Variants in SLC2A9 observed in about 807,000 individuals in gnomAD.
SLC2A9 encodes solute carrier family 2, facilitated glucose transporter member 9.
In SLC2A9, 39 loss-of-function variants were observed where a neutral mutation model predicts 50.6. The ratio of observed to expected loss-of-function variants is 0.77; its 90% CI spans 0.60 to 1.01. The LOEUF is 1.01. SLC2A9 is among the 50% of genes least tolerant of loss of function. The pLI is 0.00. For synonymous variants in SLC2A9, 324 were observed against 276.9 expected, an observed-to-expected ratio of 1.17 and a Z score of -1.69; for missense variants, 686 against 677.6, an observed-to-expected ratio of 1.01 and a Z score of -0.14.
intron 3 of SLC2A9, among the ~76,000 whole-genome samples, chr4:9,818,597 G>C (rs182278983): frequency 6.6e-6 from 1 of 152,198 alleles, no homozygotes; most frequent in Non-Finnish European, 1.5e-5. Flanking sequence ...CACTAAACTG[G>C]CTTAGCAGAA....
At chr4:9,803,398 T>A (rs2042704937) in intron 3 of SLC2A9, among the ~76,000 whole-genome samples, 1 of 152,218 alleles carries the variant, frequency 6.6e-6, no homozygotes, top group Admixed American at 6.5e-5. Flanking sequence ...CTAAATGAAT[T>A]ATTTATTTAA....
chr4:9,792,052 G>C (rs1719986507), intron 3 of SLC2A9, among the ~76,000 whole-genome samples: 1 of 152,048 alleles, frequency 6.6e-6, no homozygotes, highest in African/African-American at 2.4e-5. Context: ...GTTCAGAGAT[G>C]CTGGGTGAGT....
chr4:10,015,128 AG>A (rs1252225884), intron 2 of SLC2A9, among the ~76,000 whole-genome samples: 1 of 152,116 alleles, frequency 6.6e-6, no homozygotes, highest in Non-Finnish European at 1.5e-5. Flanking sequence ...CTTATGCTTG[AG>A]CCCCTAGGGT....
intron 10 of SLC2A9, among the ~76,000 whole-genome samples, chr4:9,885,386 C>A (rs1181038983): frequency 6.6e-6 from 1 of 152,162 alleles, no homozygotes; most frequent in Non-Finnish European, 1.5e-5. Flanking sequence ...TTGCTCCATG[C>A]AATTGGCTAG....
intron 10 of SLC2A9, among the ~76,000 whole-genome samples, chr4:9,835,824 C>T (rs1312061104): frequency 6.6e-6 from 1 of 152,080 alleles, no homozygotes; most frequent in Non-Finnish European, 1.5e-5. Context: ...CGGTGGCTCA[C>T]ACCTGTAATC....
At chr4:9,824,808 C>T (rs1724887872), downstream of SLC2A9, among the ~76,000 whole-genome samples, 1 of 152,174 alleles carries the variant, frequency 6.6e-6, no homozygotes, top group Non-Finnish European at 1.5e-5. Flanking sequence ...TTTTATTTTA[C>T]ACTGTCTTTG....
chr4:9,883,476 A>G (rs1223577384), intron 10 of SLC2A9, among the ~76,000 whole-genome samples: 3 of 152,178 alleles, frequency 2.0e-5, no homozygotes, highest in African/African-American at 7.2e-5. Flanking sequence ...TCATTTGTAG[A>G]TGAGAGTGGT....
downstream of SLC2A9, among the ~76,000 whole-genome samples, chr4:9,798,317 C>A (rs2108912052): frequency 6.6e-6 from 1 of 152,350 alleles, no homozygotes; most frequent in East Asian, 1.9e-4. Flanking sequence ...ATGCAATGCA[C>A]TTGCCCAGCT....
At chr4:9,995,771 C>G (rs938140541) in intron 3 of SLC2A9, 24 of 152,216 alleles carry the variant, frequency 1.6e-4, no homozygotes, top group African/African-American at 5.8e-4. Context: ...CAGGTAGAAA[C>G]TATCATCCCT....
intron 7 of SLC2A9, among the ~76,000 whole-genome samples, chr4:9,911,686 C>T (rs1253459241): frequency 1.3e-5 from 2 of 152,192 alleles, no homozygotes; most frequent in Admixed American, 6.5e-5. Context: ...TTTTGCATCT[C>T]GGAATCTCTG....
rs1266935132 is a variant in SLC2A9, at chr4:10,004,796, G to A, written c.250-7855C>T. Among the ~76,000 whole-genome samples the A allele has an allele frequency of 2.0e-5, 3 of 152,190 alleles. No individual in the cohort carries two copies. The East Asian group carries it at 5.8e-4, about 29-fold the overall frequency. ...GAGAGATTTAGGCCAAGTCATGAAG[G>A]CTTGGAGATATAAACCTTTACCTAG... On this transcript the variant is annotated intron_variant, in intron 2 of 11. Transcript: ENST00000264784.
downstream of SLC2A9, among the ~76,000 whole-genome samples, chr4:9,777,493 T>C (rs1028638031): frequency 5.8e-4 from 88 of 152,128 alleles, no homozygotes; most frequent in African/African-American, 2.1e-3. Flanking sequence ...CAAAAATGCT[T>C]GTGGAATGAA....
intron 11 of SLC2A9, among the ~76,000 whole-genome samples, chr4:9,831,018 G>C (rs1726048284): frequency 6.6e-6 from 1 of 152,190 alleles, no homozygotes; most frequent in South Asian, 2.1e-4. Flanking sequence ...TAATACATGG[G>C]CTTCAATACA....
chr4:9,880,152 T>C (rs1734963145), intron 10 of SLC2A9: 1 of 985,344 alleles, frequency 1.0e-6, no homozygotes, highest in South Asian at 4.7e-5. Flanking sequence ...CTTAGGAAGA[T>C]GCAAGATGGT....
intron 10 of SLC2A9, among the ~76,000 whole-genome samples, chr4:9,836,088 CAAAAAAAAA>C (rs35303241): frequency 6.2e-5 from 3 of 48,220 alleles, no homozygotes; most frequent in African/African-American, 1.8e-4. Flanking sequence ...AACTCCCTCT[CAAAAAAAAA>C]AAAAAAAAAA....
intron 5 of SLC2A9, among the ~76,000 whole-genome samples, chr4:9,953,470 C>T (rs963509533): frequency 6.6e-5 from 10 of 152,242 alleles, no homozygotes; most frequent in Non-Finnish European, 1.3e-4. Flanking sequence ...CTCCCTTGGT[C>T]ATTTTGGACC....
rs1413734058 is a variant in SLC2A9 at position 10,021,494 on chromosome 4, G to T, written c.-65C>A. ...CCAGACTCTGCCAAGGCATTTCCGT[G>T]AGTGAGGAGGCAGAGTCCACTGGAA... On this transcript the variant is annotated 5_prime_UTR_variant, in exon 1 of 12. Coordinates refer to ENST00000264784, the MANE Select transcript of SLC2A9 (RefSeq NM_020041.3). 2 of 1,608,508 alleles carry T rather than the reference G, an allele frequency of 1.2e-6. No homozygotes were observed. Among genetic ancestry groups the T allele is most frequent in the Non-Finnish European group, 1.7e-6 (2 of 1,177,734 alleles).
chr4:9,898,670 A>G (rs1256024357), intron 8 of SLC2A9, among the ~76,000 whole-genome samples: 2 of 152,184 alleles, frequency 1.3e-5, no homozygotes, highest in Non-Finnish European at 2.9e-5. Flanking sequence ...CTTCTGATTT[A>G]CATAATCCCC....
chr4:9,820,587 C>T (rs1004661222), intron 3 of SLC2A9, among the ~76,000 whole-genome samples: 1 of 152,172 alleles, frequency 6.6e-6, no homozygotes. Flanking sequence ...TGTATCTTTC[C>T]ATTTATTCGT....
Sources: gnomAD v4.1 joint callset for allele counts (sites outside exome capture counted in the v4.1 genomes callset) on GRCh38, gnomAD v4.1.1 for gene constraint, MANE v1.5 for transcripts, NCBI Gene and HGNC (gene_info 2026-07-23, HGNC 2026-07-21) for gene names.